The following ELOVL6 variants were observed in gnomAD, a reference collection of about 807,000 sequenced individuals.
The protein encoded by ELOVL6 is very long chain fatty acid elongase 6.
In ELOVL6, 8 loss-of-function variants were observed where a neutral mutation model predicts 31.7. The observed-to-expected ratio is 0.25, with a 90% CI of 0.15 to 0.45. The LOEUF (loss-of-function observed/expected upper bound fraction) is 0.45, where lower values mean the gene tolerates loss of function less well. ELOVL6 is among the 20% of genes least tolerant of loss of function. The pLI, the probability that ELOVL6 is intolerant of heterozygous loss-of-function variation, is 1.00. For synonymous variants in ELOVL6, 101 were observed against 117.7 expected (o/e 0.86, Z 0.92); for missense variants, 126 against 326.4 (o/e 0.39, Z 4.73).
chr4:110,084,401 G>GCATACATGATATATCACATCTATC (rs1560815197), intron 2 of ELOVL6, among the ~76,000 whole-genome samples: 3 of 17,508 alleles, frequency 1.7e-4, no homozygotes, highest in Admixed American at 6.6e-4. Context: ...TATGATATAT[G>GCATACATGATATATCACATCTATC]ATATATGACA....
chr4:110,196,840 C>G (rs1186053746), intron 1 of ELOVL6, among the ~76,000 whole-genome samples: 2 of 152,110 alleles, frequency 1.3e-5, no homozygotes, highest in South Asian at 2.1e-4. Context: ...CATTGGGGCC[C>G]GGACCAGCCC....
intron 1 of ELOVL6, among the ~76,000 whole-genome samples, chr4:110,139,506 A>C (rs530973233): frequency 8.5e-5 from 13 of 152,192 alleles, no homozygotes; most frequent in Non-Finnish European, 1.8e-4. Context: ...TGCACACACA[A>C]AAAATTCCTC....
intron 2 of ELOVL6, among the ~76,000 whole-genome samples, chr4:110,103,712 T>C (rs1756813615): frequency 1.3e-5 from 2 of 152,242 alleles, no homozygotes; most frequent in South Asian, 4.1e-4. Context: ...GGGTAAACTA[T>C]CTGGTTTCTT....
rs536451020 is a variant in ELOVL6 at position 110,095,115 on chromosome 4, A to C, written c.221+10382T>G. Among the ~76,000 whole-genome samples, 3 of 152,364 alleles carry C rather than the reference A, an allele frequency of 2.0e-5. No individual in the cohort carries two copies. The Middle Eastern group carries it at 0.01, about 518-fold the overall frequency. ...AGAGAAGGAATTTTAAGTTAAGTCTAAGCAATAACTAAGATTTACAGAAAA... is the reference window on the plus strand; with the variant it reads ...AGAGAAGGAATTTTAAGTTAAGTCTCAGCAATAACTAAGATTTACAGAAAA... On this transcript the variant is annotated intron_variant, in intron 2 of 3. Transcript: ENST00000302274.
At chr4:110,192,994 G>A (rs1000674825) in intron 1 of ELOVL6, among the ~76,000 whole-genome samples, 3 of 152,226 alleles carry the variant, frequency 2.0e-5, no homozygotes, top group Admixed American at 2.0e-4. Flanking sequence ...ATGAAACTCT[G>A]GCCTACTCTG....
At chr4:110,169,106 T>C (rs1758863951) in intron 1 of ELOVL6, among the ~76,000 whole-genome samples, 1 of 151,738 alleles carries the variant, frequency 6.6e-6, no homozygotes, top group Admixed American at 6.6e-5. Flanking sequence ...GGACTGCAGG[T>C]GTATGCCACC....
intron 1 of ELOVL6, among the ~76,000 whole-genome samples, chr4:110,162,874 G>A (rs1758670289): frequency 1.3e-5 from 2 of 152,106 alleles, no homozygotes; most frequent in Admixed American, 1.3e-4. Context: ...CAGTTATTGG[G>A]ACACTCATTG....
chr4:110,178,729 C>T (rs80111563), intron 1 of ELOVL6, among the ~76,000 whole-genome samples: 6,622 of 151,860 alleles, frequency 0.044, 199 homozygotes, highest in South Asian at 0.12. Flanking sequence ...TGGTGCTTGC[C>T]TGTAGTCTCA....
intron 1 of ELOVL6, among the ~76,000 whole-genome samples, chr4:110,166,395 G>A (rs1022349584): frequency 6.6e-6 from 1 of 152,016 alleles, no homozygotes; most frequent in Admixed American, 6.6e-5. Context: ...GGTGGATCAC[G>A]AGGTCAAGAG....
chr4:110,170,049 A>G lies in ELOVL6; in HGVS notation c.89+28198T>C, dbSNP rs76436796. On this transcript the variant is annotated intron_variant, in intron 1 of 3. Transcript: ENST00000302274. ...AGACTGGCCTCGAACGCCTAACCTC[A>G]GGTGATCCACCCACTTTGGCCTCCC... Among the ~76,000 whole-genome samples the G allele has an allele frequency of 0.013, 1,978 of 151,326 alleles. 74 individuals are homozygous for G. The East Asian group carries it at 0.14, about 11-fold the overall frequency.
chr4:110,153,439 G>C (rs1758335623), intron 1 of ELOVL6, among the ~76,000 whole-genome samples: 1 of 152,092 alleles, frequency 6.6e-6, no homozygotes, highest in Non-Finnish European at 1.5e-5. Context: ...TAGATGGTGG[G>C]CTAAAACTTA....
At chr4:110,075,934 T>G (rs1755613759) in intron 2 of ELOVL6, among the ~76,000 whole-genome samples, 1 of 152,230 alleles carries the variant, frequency 6.6e-6, no homozygotes, top group East Asian at 1.9e-4. Flanking sequence ...AGGTGACATG[T>G]GCTTTTGATG....
chr4:110,125,795 C>T (rs1479608748), intron 1 of ELOVL6, among the ~76,000 whole-genome samples: 1 of 150,460 alleles, frequency 6.6e-6, no homozygotes, highest in East Asian at 2.0e-4. Context: ...CCACTGCACT[C>T]TAGCCTGGGC....
At position 110,046,844 on chromosome 4, in the gene ELOVL6, A is replaced by C. The variant is rs1485638104; in HGVS notation, c.*4494T>G. On this transcript the variant is annotated 3_prime_UTR_variant, in exon 4 of 4. Coordinates refer to ENST00000302274, the MANE Select transcript of ELOVL6 (RefSeq NM_024090.3). ...TTCATACTGATTGTCGGAACAAAAT[A>C]GAGCATTGTGATTTCATCAGCTCTC... 6.6e-6 allele frequency: 1 copy of C among 152,246 alleles called. No homozygotes were observed. Among genetic ancestry groups the C allele is most frequent in the Non-Finnish European group, 1.5e-5 (1 of 68,048 alleles). 9.4% of individuals were successfully genotyped at this position (152,246 alleles called of 1,614,324 possible).
chr4:110,084,185 A>ACATATAACTTATATGACATATAT (rs1756066778), intron 2 of ELOVL6, among the ~76,000 whole-genome samples: 2 of 67,598 alleles, frequency 3.0e-5, no homozygotes, highest in African/African-American at 1.7e-4. Flanking sequence ...GATATATATA[A>ACATATAACTTATATGACATATAT]CATATAACTT....
chr4:110,074,159 C>T (rs939310304), intron 2 of ELOVL6, among the ~76,000 whole-genome samples: 4 of 152,190 alleles, frequency 2.6e-5, no homozygotes, highest in Admixed American at 1.3e-4. Flanking sequence ...ATACCAAAAT[C>T]TGAGGATGCT....
intron 1 of ELOVL6, among the ~76,000 whole-genome samples, chr4:110,138,399 C>T (rs1435071200): frequency 6.6e-6 from 1 of 152,092 alleles, no homozygotes; most frequent in Non-Finnish European, 1.5e-5. Flanking sequence ...TACAAATGAG[C>T]CTCACAGAGC....
At chr4:110,061,406 G>A (rs1024255825) in intron 2 of ELOVL6, among the ~76,000 whole-genome samples, 4 of 152,100 alleles carry the variant, frequency 2.6e-5, no homozygotes, top group South Asian at 4.2e-4. Flanking sequence ...TCCTCCCCGT[G>A]GAATGACCTA....
At chr4:110,183,134 C>A (rs866415931) in intron 1 of ELOVL6, among the ~76,000 whole-genome samples, 2 of 151,952 alleles carry the variant, frequency 1.3e-5, no homozygotes, top group Admixed American at 6.6e-5. Context: ...AACAAACAAA[C>A]AAAAAAACAC....
Sources: gnomAD v4.1 joint callset for allele counts (sites outside exome capture counted in the v4.1 genomes callset) on GRCh38, gnomAD v4.1.1 for gene constraint, MANE v1.5 for transcripts, NCBI Gene and HGNC (gene_info 2026-07-23, HGNC 2026-07-21) for gene names.